The following BANP variants were observed in gnomAD, a reference collection of about 807,000 sequenced individuals.
The protein encoded by BANP is protein BANP.
Under a neutral mutation model 68.1 loss-of-function variants are expected in BANP, and 11 were observed. That is an observed-to-expected ratio of 0.16 (90% CI 0.10 to 0.27). The LOEUF is 0.27. Ranked by LOEUF, BANP falls within the 10% of genes least tolerant of loss-of-function variation. The probability of loss-of-function intolerance (pLI) is 1.00; values close to 1 mark genes in which losing one functional copy is unlikely to be tolerated. For missense variants in BANP, 504 were observed against 722.7 expected (o/e 0.70, Z 3.47); for synonymous variants, 329 against 303.2 (o/e 1.09, Z -0.88).
At chr16:87,992,601 C>T (rs1204735619) in intron 4 of BANP, among the ~76,000 whole-genome samples, 3 of 152,020 alleles carry the variant, frequency 2.0e-5, no homozygotes, top group African/African-American at 7.3e-5. Flanking sequence ...CGAGACCAGC[C>T]TGGCTAACGA....
intron 2 of BANP, among the ~76,000 whole-genome samples, chr16:87,976,142 C>T (rs2062075345): frequency 6.6e-6 from 1 of 152,206 alleles, no homozygotes; most frequent in Non-Finnish European, 1.5e-5. Context: ...TATACACAAC[C>T]CTATAGAGAA....
intron 7 of BANP, among the ~76,000 whole-genome samples, chr16:88,024,742 C>A (rs1300427649): frequency 6.6e-6 from 1 of 152,252 alleles, no homozygotes; most frequent in Non-Finnish European, 1.5e-5. Context: ...TTCGCCCAGG[C>A]TGGGGCCTGG....
intron 2 of BANP, among the ~76,000 whole-genome samples, chr16:87,979,045 A>T (rs1227712248): frequency 6.6e-6 from 1 of 152,156 alleles, no homozygotes; most frequent in Non-Finnish European, 1.5e-5. Flanking sequence ...GGTAGATCGG[A>T]TTTGACTGCT....
rs2079288780 is a variant in BANP at position 88,036,120 on chromosome 16, G to C, written c.1272+726G>C. ...CTTCGACTCTGGGCTGTTTCCTGCA[G>C]CACAGGCAGCAGCAGGCACAGGGCA... On this transcript the variant is annotated intron_variant, in intron 10 of 13. Coordinates refer to ENST00000682872, the MANE Select transcript of BANP (RefSeq NM_001386991.1). The surrounding 1 kb of genome is among the most constrained non-coding windows in gnomAD (Gnocchi z 4.2). Among the ~76,000 whole-genome samples the C allele has an allele frequency of 6.6e-6, 1 of 152,232 alleles. No homozygotes were observed. The highest frequency in any genetic ancestry group is 1.5e-5 in the Non-Finnish European group (1 of 68,042).
At chr16:87,965,831 T>G (rs1362388054) in intron 1 of BANP, among the ~76,000 whole-genome samples, 1 of 152,178 alleles carries the variant, frequency 6.6e-6, no homozygotes, top group Non-Finnish European at 1.5e-5. Flanking sequence ...AGAAACAGTT[T>G]CACAGGTAAT....
At chr16:87,965,189 C>T (rs772719522) in intron 1 of BANP, among the ~76,000 whole-genome samples, 5 of 151,992 alleles carry the variant, frequency 3.3e-5, no homozygotes, top group South Asian at 2.1e-4. Context: ...GGGAGGACAG[C>T]GTGGGGAGGA....
chr16:88,016,607 C>T (rs1483811148), intron 6 of BANP, among the ~76,000 whole-genome samples: 1 of 152,242 alleles, frequency 6.6e-6, no homozygotes, highest in East Asian at 1.9e-4. Context: ...CGTAAGGATT[C>T]GTAGATACAT....
intron 1 of BANP, among the ~76,000 whole-genome samples, chr16:87,965,329 T>C (rs952664821): frequency 6.7e-6 from 1 of 149,872 alleles, no homozygotes; most frequent in African/African-American, 2.5e-5. Flanking sequence ...GCACTGAAAA[T>C]GGAGACCGCA....
intron 4 of BANP, among the ~76,000 whole-genome samples, chr16:87,984,485 T>G (rs1410724858): frequency 6.6e-6 from 1 of 152,248 alleles, no homozygotes; most frequent in Admixed American, 6.5e-5. Context: ...CCTTTCCACA[T>G]AAAGCCGACC....
chr16:88,018,698 G>C lies in BANP; in HGVS notation c.895+31G>C, dbSNP rs1005518187. 3.9e-6 allele frequency: 6 copies of C among 1,544,626 alleles called. No individual in the cohort carries two copies. The Admixed American group carries it at 9.8e-5, about 25-fold the overall frequency. On this transcript the variant is annotated intron_variant, in intron 7 of 13. Coordinates refer to ENST00000682872, the MANE Select transcript of BANP (RefSeq NM_001386991.1). This position sits in a 1 kb window ranked among gnomAD's most constrained non-coding sequence, Gnocchi z 7.7. ...TCGGGCCCCGCCTTGGGGGACTGGGGTGTGCGGGGAGCTGGGTCAGGACCC... is the reference window on the plus strand; with the variant it reads ...TCGGGCCCCGCCTTGGGGGACTGGGCTGTGCGGGGAGCTGGGTCAGGACCC...
chr16:88,002,974 C>T lies in BANP; in HGVS notation c.363-1321C>T, dbSNP rs943500971. 2.0e-5 allele frequency among the ~76,000 whole-genome samples: 3 copies of T among 152,086 alleles called. No homozygotes were observed. Among genetic ancestry groups the T allele is most frequent in the African/African-American group, 7.2e-5 (3 of 41,388 alleles). On this transcript the variant is annotated intron_variant, in intron 4 of 13. Transcript: ENST00000682872. The surrounding 1 kb of genome is among the most constrained non-coding windows in gnomAD (Gnocchi z 4.6). ...TCCCACATGCTGTGAGCCTAGGATC[C>T]CGGGGCCACCAGTGTTCCATAGCCT...
In BANP at chr16:87,988,450, A is replaced by G. The variant is rs558817759; in HGVS notation, c.362+4191A>G. Among the ~76,000 whole-genome samples, 29 of 151,498 alleles carry G rather than the reference A, an allele frequency of 1.9e-4. No homozygotes were observed. In the South Asian group the frequency reaches 4.0e-3, roughly 21 times the overall value. On this transcript the variant is annotated intron_variant, in intron 4 of 13. Coordinates refer to ENST00000682872, the MANE Select transcript of BANP (RefSeq NM_001386991.1). ...GGCTAATTTTTTTTTTTTTTAAATT[A>G]GAGATGGGGTTTCACCATGTTTGTC...
intron 13 of BANP, among the ~76,000 whole-genome samples, chr16:88,073,865 C>T (rs903873443): frequency 2.0e-5 from 3 of 152,274 alleles, no homozygotes; most frequent in Admixed American, 2.0e-4. Flanking sequence ...TTCCTGTAAG[C>T]TCTCTCTGTT....
intron 12 of BANP, among the ~76,000 whole-genome samples, chr16:88,069,706 T>G (rs1343694672): frequency 6.6e-6 from 1 of 152,186 alleles, no homozygotes; most frequent in Non-Finnish European, 1.5e-5. Context: ...TTGTCAGCAC[T>G]CTGATGTCAA....
chr16:87,976,283 G>T (rs886422672), intron 2 of BANP, among the ~76,000 whole-genome samples: 1 of 152,174 alleles, frequency 6.6e-6, no homozygotes, highest in Non-Finnish European at 1.5e-5. Context: ...GACAGTGCTT[G>T]AGAACAAGTT....
intron 11 of BANP, among the ~76,000 whole-genome samples, chr16:88,040,112 C>T (rs1189596235): frequency 1.3e-5 from 2 of 152,118 alleles, no homozygotes; most frequent in Non-Finnish European, 2.9e-5. Context: ...CTCAGGGTAG[C>T]GGGCGGAATC....
chr16:88,051,443 C>T (rs535173330), intron 11 of BANP, among the ~76,000 whole-genome samples: 7 of 152,286 alleles, frequency 4.6e-5, no homozygotes, highest in African/African-American at 1.2e-4. Context: ...ATGGGGTTTG[C>T]GGGAGCCCAT....
Position 87,980,906 on chromosome 16 carries a change from G to A in BANP, c.71-130G>A. On this transcript the variant is annotated intron_variant, in intron 2 of 13. Coordinates refer to ENST00000682872, the MANE Select transcript of BANP (RefSeq NM_001386991.1). ...TGACTGAGAATAAGTTTAAAAAGGT[G>A]AAATATGAGATAGGTTCTGCTGTTT... 4.6e-6 allele frequency: 3 copies of A among 652,348 alleles called. No individual in the cohort carries two copies. In the South Asian group the frequency reaches 5.4e-5, roughly 12 times the overall value. 40.4% of individuals were successfully genotyped at this position (652,348 alleles called of 1,614,324 possible). A position where few individuals can be genotyped will look rare whatever the true frequency, so the allele number is the denominator to read the frequency against.
At chr16:88,040,542 C>T (rs2080511063) in intron 11 of BANP, among the ~76,000 whole-genome samples, 2 of 151,906 alleles carry the variant, frequency 1.3e-5, no homozygotes, top group African/African-American at 4.8e-5. Context: ...CGTCCCCGTG[C>T]CTACAGAAGC....
Sources: gnomAD v4.1 joint callset for allele counts (sites outside exome capture counted in the v4.1 genomes callset) on GRCh38, gnomAD v4.1.1 for gene constraint, Gnocchi (gnomAD v3.1) non-coding constraint, MANE v1.5 for transcripts, NCBI Gene and HGNC (gene_info 2026-07-23, HGNC 2026-07-21) for gene names.